The following JAZF1 variants were observed in gnomAD, a reference collection of about 807,000 sequenced individuals.
JAZF1 encodes the protein juxtaposed with another zinc finger protein 1.
In JAZF1, 8 loss-of-function variants were observed where a neutral mutation model predicts 26.4. The ratio of observed to expected loss-of-function variants is 0.30; its 90% confidence interval spans 0.18 to 0.55. The LOEUF (loss-of-function observed/expected upper bound fraction) is 0.55, where lower values mean the gene tolerates loss of function less well. Among genes scored for constraint, JAZF1 ranks in the 20% least tolerant of loss-of-function variants. JAZF1 has a pLI of 0.94. For missense variants in JAZF1, 199 were observed against 322.0 expected (o/e 0.62, Z 2.92); for synonymous variants, 126 against 122.3 (o/e 1.03, Z -0.20).
At chr7:28,101,742 T>TCC (rs1784475193) in intron 1 of JAZF1, among the ~76,000 whole-genome samples, 3 of 152,054 alleles carry the variant, frequency 2.0e-5, no homozygotes, top group African/African-American at 4.8e-5. Context: ...AAACTCAGTT[T>TCC]CAAAAACAAA....
intron 4 of JAZF1, among the ~76,000 whole-genome samples, chr7:27,837,388 ATCC>A: frequency 6.6e-6 from 1 of 152,326 alleles, no homozygotes; most frequent in East Asian, 1.9e-4. Flanking sequence ...AAGGAAAAGA[ATCC>A]TCCCATGGCT....
chr7:28,097,108 A>C (rs767729031), intron 1 of JAZF1, among the ~76,000 whole-genome samples: 13 of 152,110 alleles, frequency 8.5e-5, no homozygotes, highest in Non-Finnish European at 1.3e-4. Context: ...TAATGCCTTT[A>C]AATCACCCCC....
chr7:28,048,238 T>C (rs1783530791), intron 1 of JAZF1, among the ~76,000 whole-genome samples: 1 of 152,210 alleles, frequency 6.6e-6, no homozygotes, highest in Non-Finnish European at 1.5e-5. Context: ...AACCTTTGGT[T>C]CTATCTCCCT....
intron 3 of JAZF1, among the ~76,000 whole-genome samples, chr7:27,850,624 A>G (rs953941422): frequency 6.6e-6 from 1 of 152,208 alleles, no homozygotes; most frequent in South Asian, 2.1e-4. Context: ...TCAGACGGGA[A>G]GGAGGACCCA....
intron 1 of JAZF1, among the ~76,000 whole-genome samples, chr7:28,002,092 A>G (rs1276934032): frequency 6.6e-6 from 1 of 152,246 alleles, no homozygotes; most frequent in Non-Finnish European, 1.5e-5. Context: ...ATAACACCAC[A>G]CATTCCAACA....
chr7:28,056,755 GCA>G (rs3073784), intron 1 of JAZF1, among the ~76,000 whole-genome samples: 132,736 of 151,836 alleles, frequency 0.87, 58,834 homozygotes, highest in African/African-American at 0.97. Flanking sequence ...AATTCCTGAT[GCA>G]CACACTCCTG....
chr7:27,838,391 A>G (rs1224888824), intron 4 of JAZF1, among the ~76,000 whole-genome samples: 1 of 152,096 alleles, frequency 6.6e-6, no homozygotes, highest in Non-Finnish European at 1.5e-5. Flanking sequence ...GCTCTGCATG[A>G]GGTCTGGGAG....
chr7:27,853,561 C>T (rs147417542), intron 3 of JAZF1, among the ~76,000 whole-genome samples: 362 of 152,188 alleles, frequency 2.4e-3, no homozygotes, highest in African/African-American at 8.3e-3. Context: ...CTGAAATAAG[C>T]GGGTTAGAAA....
chr7:28,113,228 G>A (rs1784690423), intron 1 of JAZF1, among the ~76,000 whole-genome samples: 1 of 152,172 alleles, frequency 6.6e-6, no homozygotes, highest in South Asian at 2.1e-4. Context: ...ACAGACTACA[G>A]TATTTAGAGA....
At chr7:27,898,210 G>A (rs1784102742) in intron 2 of JAZF1, among the ~76,000 whole-genome samples, 1 of 150,922 alleles carries the variant, frequency 6.6e-6, no homozygotes, top group Non-Finnish European at 1.5e-5. Context: ...TAAACCCAGA[G>A]GGTGCATATC....
Position 27,865,325 on chromosome 7 carries a change from C to T in JAZF1, c.386-24458G>A, listed in dbSNP as rs984446218. On this transcript the variant is annotated intron_variant, in intron 3 of 4. Coordinates refer to ENST00000283928, the MANE Select transcript of JAZF1 (RefSeq NM_175061.4). ...GGTTGAGGCTGCAGTGAGCCATGAT[C>T]GTGCCACTGCACTGCAGCCTAGGTG... Among the ~76,000 whole-genome samples the T allele has an allele frequency of 7.9e-5, 12 of 152,224 alleles. 1 individual carries two copies. Among genetic ancestry groups the T allele is most frequent in the South Asian group, 2.1e-4 (1 of 4,820 alleles).
At chr7:28,120,915 T>A (rs892622299) in intron 1 of JAZF1, among the ~76,000 whole-genome samples, 1 of 151,970 alleles carries the variant, frequency 6.6e-6, no homozygotes, top group African/African-American at 2.4e-5. Context: ...AATCCAGGGG[T>A]TCCACTGGGC....
chr7:27,863,585 C>T (rs1037979885), intron 3 of JAZF1, among the ~76,000 whole-genome samples: 76 of 152,250 alleles, frequency 5.0e-4, no homozygotes, highest in African/African-American at 1.8e-3. Context: ...CTTTGCCATC[C>T]TTCTTCCCCC....
At chr7:27,954,722 T>C (rs1674907551) in intron 2 of JAZF1, among the ~76,000 whole-genome samples, 1 of 152,126 alleles carries the variant, frequency 6.6e-6, no homozygotes, top group African/African-American at 2.4e-5. Context: ...GGTCACTCTC[T>C]AAGCATCACA....
chr7:27,937,095 C>A (rs562270641), intron 2 of JAZF1, among the ~76,000 whole-genome samples: 4 of 152,266 alleles, frequency 2.6e-5, no homozygotes, highest in African/African-American at 9.6e-5. Context: ...TTCTCATGCA[C>A]TTCTATTGCT....
At chr7:27,863,182 G>A (rs986923516) in intron 3 of JAZF1, among the ~76,000 whole-genome samples, 26 of 152,136 alleles carry the variant, frequency 1.7e-4, no homozygotes, top group Admixed American at 1.3e-3. Flanking sequence ...CTCTGCCTAC[G>A]GCTACTTCGT....
intron 2 of JAZF1, among the ~76,000 whole-genome samples, chr7:27,922,492 G>A (rs1051615619): frequency 3.9e-5 from 6 of 152,018 alleles, no homozygotes; most frequent in East Asian, 3.9e-4. Flanking sequence ...CAGGCAATCC[G>A]CCCGCCTCGG....
chr7:27,895,882 CT>C (rs560786490), intron 2 of JAZF1, among the ~76,000 whole-genome samples: 46 of 150,512 alleles, frequency 3.1e-4, no homozygotes, highest in East Asian at 5.8e-4. Context: ...CTCATGAAAA[CT>C]TTTTTTTTTA....
chr7:28,106,177 C>G (rs73302964), intron 1 of JAZF1, among the ~76,000 whole-genome samples: 3,593 of 152,192 alleles, frequency 0.024, 132 homozygotes, highest in African/African-American at 0.082. Flanking sequence ...CCATATCAGA[C>G]CAAAGGATTA....
Sources: gnomAD v4.1 joint callset for allele counts (sites outside exome capture counted in the v4.1 genomes callset) on GRCh38, gnomAD v4.1.1 for gene constraint, MANE v1.5 for transcripts, NCBI Gene and HGNC (gene_info 2026-07-23, HGNC 2026-07-21) for gene names.